Variants in ZBTB8A observed in about 807,000 individuals in gnomAD.
ZBTB8A encodes zinc finger and BTB domain-containing protein 8A.
A neutral mutation model predicts 37.8 loss-of-function variants in ZBTB8A; 19 were observed. The observed-to-expected ratio is 0.50, with a 90% CI of 0.35 to 0.74. The LOEUF (loss-of-function observed/expected upper bound fraction) is 0.74. ZBTB8A is among the 30% of genes least tolerant of loss of function. The probability of loss-of-function intolerance (pLI) is 0.01; values close to 1 mark genes in which losing one functional copy is unlikely to be tolerated. For missense variants in ZBTB8A, 394 were observed against 537.8 expected (o/e 0.73, Z 2.65); for synonymous variants, 181 against 185.2 (o/e 0.98, Z 0.19).
intron 2 of ZBTB8A, among the ~76,000 whole-genome samples, chr1:32,580,329 A>G (rs1489202536): frequency 6.6e-6 from 1 of 152,158 alleles, no homozygotes; most frequent in East Asian, 1.9e-4. Context: ...AGGCTGAGGC[A>G]GGCAGATCAC....
chr1:32,597,132 G>A (rs982072243), intron 4 of ZBTB8A, among the ~76,000 whole-genome samples: 2 of 151,810 alleles, frequency 1.3e-5, no homozygotes, highest in Admixed American at 6.6e-5. Flanking sequence ...TCAGCCTCCC[G>A]AGTAGCTGGG....
At chr1:32,569,714 A>G (rs1557708580) in intron 2 of ZBTB8A, among the ~76,000 whole-genome samples, 2 of 151,202 alleles carry the variant, frequency 1.3e-5, no homozygotes, top group East Asian at 1.9e-4. Context: ...CCTTAATGGT[A>G]TCTTTAAAAG....
At chr1:32,588,009 G>A (rs1303025211) in intron 2 of ZBTB8A, among the ~76,000 whole-genome samples, 1 of 152,164 alleles carries the variant, frequency 6.6e-6, no homozygotes, top group South Asian at 2.1e-4. Flanking sequence ...GAGGTTCCTG[G>A]AGGGTGGTGC....
At position 32,586,550 on chromosome 1, in the gene ZBTB8A, G is replaced by A. The variant is rs77289415; in HGVS notation, c.-1-6381G>A. On this transcript the variant is annotated intron_variant, in intron 2 of 4. Transcript: ENST00000373510. Reference sequence around the variant, plus strand: ...GAAGGAGTGCTTATAGATTGTTAAAGGAAAGCCTGTCTGATAAGGTGACGT... The same window carrying A: ...GAAGGAGTGCTTATAGATTGTTAAAAGAAAGCCTGTCTGATAAGGTGACGT... Among the ~76,000 whole-genome samples the A allele has an allele frequency of 7.6e-3, 1,153 of 152,096 alleles. 24 individuals are homozygous for A. Among genetic ancestry groups the A allele is most frequent in the African/African-American group, 0.026 (1,070 of 41,426 alleles).
Position 32,605,429 on chromosome 1 carries a change from C to T in ZBTB8A, c.*5010C>T, listed in dbSNP as rs529010275. The T allele has an allele frequency of 6.6e-6, 1 of 151,990 alleles. No individual in the cohort carries two copies. The highest frequency in any genetic ancestry group is 1.9e-4 in the East Asian group (1 of 5,154). The allele number at this position is 151,990 out of a possible 1,614,324, so 9.4% of individuals were successfully genotyped here. ...ACAGTAAAAAAACCTCAGGGTCAGGCGTGGTGGCTCACACCTGTAATCCCA... is the reference window on the plus strand; with the variant it reads ...ACAGTAAAAAAACCTCAGGGTCAGGTGTGGTGGCTCACACCTGTAATCCCA... On this transcript the variant is annotated 3_prime_UTR_variant, in exon 5 of 5. Transcript: ENST00000373510.
chr1:32,578,687 A>C (rs1054486307), intron 2 of ZBTB8A, among the ~76,000 whole-genome samples: 1 of 151,830 alleles, frequency 6.6e-6, no homozygotes, highest in Non-Finnish European at 1.5e-5. Flanking sequence ...GATTTAAAAA[A>C]ATATTTTATT....
intron 2 of ZBTB8A, among the ~76,000 whole-genome samples, chr1:32,556,288 T>C (rs1234697696): frequency 6.6e-6 from 1 of 152,102 alleles, no homozygotes; most frequent in Non-Finnish European, 1.5e-5. Flanking sequence ...CAGGCTGGTC[T>C]CGAACTCCTG....
rs965381512 is a variant in ZBTB8A at position 32,601,393 on chromosome 1, G to A, written c.*974G>A. The A allele has an allele frequency of 3.1e-6, 1 of 325,230 alleles. No individual in the cohort carries two copies. Among genetic ancestry groups the A allele is most frequent in the African/African-American group, 2.1e-5 (1 of 46,908 alleles). The allele number at this position is 325,230 out of a possible 1,614,324, so 20.1% of individuals were successfully genotyped here. A position where few individuals can be genotyped will look rare whatever the true frequency, so the allele number is the denominator to read the frequency against. ...GGAGGCTGAGGCAGGAGAATCGATT[G>A]AACCTGGAAGGCAGAAGTTGCAGTG... On this transcript the variant is annotated 3_prime_UTR_variant, in exon 5 of 5. Coordinates refer to ENST00000373510, the MANE Select transcript of ZBTB8A (RefSeq NM_001040441.3).
intron 4 of ZBTB8A, among the ~76,000 whole-genome samples, chr1:32,599,174 C>G (rs141798988): frequency 6.6e-6 from 1 of 151,948 alleles, no homozygotes; most frequent in African/African-American, 2.4e-5. Context: ...AATTAATACA[C>G]AAAACAAGAG....
intron 2 of ZBTB8A, among the ~76,000 whole-genome samples, chr1:32,554,229 T>C (rs1175776824): frequency 6.6e-6 from 1 of 151,398 alleles, no homozygotes; most frequent in Non-Finnish European, 1.5e-5. Context: ...GGGTAAAATT[T>C]TGTAGTTGTA....
intron 2 of ZBTB8A, among the ~76,000 whole-genome samples, chr1:32,587,253 C>T (rs552421427): frequency 6.6e-6 from 1 of 152,046 alleles, no homozygotes; most frequent in Non-Finnish European, 1.5e-5. Flanking sequence ...TAAATAGCCT[C>T]TAGATGATAA....
At chr1:32,568,896 T>C (rs987475304) in intron 2 of ZBTB8A, among the ~76,000 whole-genome samples, 4 of 152,202 alleles carry the variant, frequency 2.6e-5, no homozygotes, top group Non-Finnish European at 5.9e-5. Context: ...ATTTCCAATT[T>C]GGGGCTAATA....
intron 2 of ZBTB8A, among the ~76,000 whole-genome samples, chr1:32,577,586 CT>C (rs775868211): frequency 0.013 from 1,095 of 86,780 alleles, 2 homozygotes; most frequent in African/African-American, 0.042. Context: ...ATATTGTATT[CT>C]TTTTTTTTTT....
chr1:32,584,513 T>C (rs1266411421), intron 2 of ZBTB8A, among the ~76,000 whole-genome samples: 6 of 115,032 alleles, frequency 5.2e-5, no homozygotes, highest in Non-Finnish European at 9.3e-5. Context: ...TCTTTCTTTT[T>C]TTTTTTTTTT....
At chr1:32,554,504 ATTTATT>A (rs1644184736) in intron 2 of ZBTB8A, among the ~76,000 whole-genome samples, 1 of 141,240 alleles carries the variant, frequency 7.1e-6, no homozygotes, top group Non-Finnish European at 1.5e-5. Context: ...TTATTTATTT[ATTTATT>A]TATTTTTGAG....
Position 32,593,144 on chromosome 1 carries a change from C to T in ZBTB8A, c.213C>T (p.Phe71=). ...CAACCACAGCTACATTTCAGGCTTTCTCCCCTGACACTTTTACAGTTATCT... is the reference window on the plus strand; with the variant it reads ...CAACCACAGCTACATTTCAGGCTTTTTCCCCTGACACTTTTACAGTTATCT... ...SQPTTATFQA[F]SPDTFTVILD... is the part of the protein sequence containing the mutation. Residue 71 remains phenylalanine (F), a synonymous_variant, in exon 3 of 5, where the codon TTC becomes TTT. Coordinates refer to ENST00000373510, the MANE Select transcript of ZBTB8A (RefSeq NM_001040441.3). 6.2e-7 allele frequency: 1 copy of T among 1,614,200 alleles called. No individual in the cohort carries two copies. The highest frequency in any genetic ancestry group is 8.5e-7 in the Non-Finnish European group (1 of 1,180,036).
chr1:32,592,610 G>A (rs1056655736), intron 2 of ZBTB8A, among the ~76,000 whole-genome samples: 1 of 151,206 alleles, frequency 6.6e-6, no homozygotes, highest in East Asian at 2.0e-4. Context: ...AGGTTCAAGC[G>A]ATTTGTCTGC....
chr1:32,555,116 G>A (rs868821706), intron 2 of ZBTB8A, among the ~76,000 whole-genome samples: 20 of 152,230 alleles, frequency 1.3e-4, no homozygotes, highest in Middle Eastern at 3.4e-3. Flanking sequence ...CCAGCTAGGT[G>A]TAGTGGCTCA....
chr1:32,541,169 C>G (rs1644050236), intron 1 of ZBTB8A, among the ~76,000 whole-genome samples: 1 of 152,216 alleles, frequency 6.6e-6, no homozygotes, highest in African/African-American at 2.4e-5. Context: ...TTGAATGAAG[C>G]TTTTGCCACT....
Sources: gnomAD v4.1 joint callset for allele counts (sites outside exome capture counted in the v4.1 genomes callset) on GRCh38, gnomAD v4.1.1 for gene constraint, MANE v1.5 for transcripts, NCBI Gene and HGNC (gene_info 2026-07-23, HGNC 2026-07-21) for gene names.